Variants in CUBN observed in about 807,000 individuals in gnomAD.
CUBN encodes cubilin, also known as 460 kDa receptor.
In CUBN, 282 loss-of-function variants were observed where a neutral mutation model predicts 405.3. The observed-to-expected ratio is 0.70, with a 90% CI of 0.63 to 0.77. CUBN has a LOEUF of 0.77. Among genes scored for constraint, CUBN ranks in the 30% least tolerant of loss-of-function variants. CUBN has a pLI of 0.00. For synonymous variants in CUBN, 1,684 were observed against 1,617.0 expected (o/e 1.04, Z -0.99); for missense variants, 4,514 against 4,475.2 (o/e 1.01, Z -0.25).
intron 15 of CUBN, among the ~76,000 whole-genome samples, chr10:17,086,141 T>G (rs1836103998): frequency 6.6e-6 from 1 of 152,062 alleles, no homozygotes; most frequent in Middle Eastern, 3.2e-3. Context: ...ATTTGTTGTA[T>G]TTTTAGTAGA....
intron 38 of CUBN, 141 bp downstream of exon 38, chr10:16,938,822 G>C: frequency 1.4e-6 from 1 of 724,808 alleles, no homozygotes; most frequent in East Asian, 2.6e-5. Flanking sequence ...ATGTAATCTA[G>C]AGGCAGTCTG....
intron 20 of CUBN, 23 bp from the exon 21 acceptor site, chr10:17,068,303 T>C (rs768172373): frequency 5.0e-6 from 8 of 1,606,784 alleles, no homozygotes; most frequent in Non-Finnish European, 6.8e-6. Context: ...AAATTATAAT[T>C]ACTGCAGCAA....
At chr10:17,025,224 G>A (rs977799869) in intron 27 of CUBN, among the ~76,000 whole-genome samples, 17 of 152,242 alleles carry the variant, frequency 1.1e-4, no homozygotes, top group African/African-American at 2.4e-4. Flanking sequence ...AAAGATGATC[G>A]TTCAATTTTT....
Position 16,915,172 on chromosome 10 carries a change from C to T in CUBN, c.7211G>A (p.Gly2404Glu). 1 of 1,613,742 alleles carries T rather than the reference C, an allele frequency of 6.2e-7. No individual in the cohort carries two copies. Among genetic ancestry groups the T allele is most frequent in the South Asian group, 1.1e-5 (1 of 91,062 alleles). ...FVEIWDNHTSGNILGRYCGNT... is the reference protein window; with the variant it reads ...FVEIWDNHTSENILGRYCGNT... ...TCCACAGTATCTGCCCAAGATGTTT[C>T]CTGTGAGAGACAAATAATTAAATAT... is the stretch of plus-strand genomic sequence containing the variant. Residue 2404 changes from glycine to glutamate, a missense_variant and splice_region_variant, in exon 47 of 67, where the codon GGA becomes GAA. Coordinates refer to ENST00000377833, the MANE Select transcript of CUBN (RefSeq NM_001081.4).
intron 17 of CUBN, among the ~76,000 whole-genome samples, chr10:17,082,066 C>A (rs117971923): frequency 6.6e-6 from 1 of 152,152 alleles, no homozygotes; most frequent in East Asian, 1.9e-4. Context: ...ACTGTGACAG[C>A]CACATCGGCT....
chr10:17,065,487 T>A lies in CUBN; in HGVS notation c.3139+21A>T, dbSNP rs762968156. ...TTGCAATGGAGTCAATAAAACCGAG[T>A]ATGCAATGCTGTTTTGTTACCTGTT... On this transcript the variant is annotated intron_variant, in intron 22 of 66. Coordinates refer to ENST00000377833, the MANE Select transcript of CUBN (RefSeq NM_001081.4). 3 of 1,612,324 alleles carry A rather than the reference T, an allele frequency of 1.9e-6. No homozygotes were observed. The Admixed American group carries it at 5.0e-5, about 27-fold the overall frequency.
chr10:17,113,180 G>A (rs553512292), intron 8 of CUBN, among the ~76,000 whole-genome samples: 364 of 152,198 alleles, frequency 2.4e-3, no homozygotes, highest in African/African-American at 8.5e-3. Flanking sequence ...CAGGAGAATC[G>A]CTTGAACCCA....
In CUBN at chr10:16,920,037, C is replaced by G. The variant is rs1841989546; in HGVS notation, c.6747G>C (p.Trp2249Cys). Residue 2249 changes from tryptophan to cysteine, a missense_variant, in exon 44 of 67, where the codon TGG (tryptophan) becomes TGC (cysteine). This residue lies in a region of CUBN where 1,613 missense variants were observed against 1,542.8 expected (regional missense o/e 1.05). Transcript: ENST00000377833. ...HNYPPHADCI[W>C]ILAAPPETRI... is the part of the protein sequence containing the mutation. Reference sequence around the variant, plus strand: ...GTGTTTCCGGTGGAGCCGCTAAGATCCAAATGCAATCAGCGTGCGGGGGAT... The same window carrying G: ...GTGTTTCCGGTGGAGCCGCTAAGATGCAAATGCAATCAGCGTGCGGGGGAT... The G allele has an allele frequency of 1.2e-6, 2 of 1,613,762 alleles. No individual in the cohort carries two copies. The highest frequency in any genetic ancestry group is 1.7e-6 in the Non-Finnish European group (2 of 1,179,944).
At chr10:16,841,393 C>T (rs991502690) in intron 60 of CUBN, among the ~76,000 whole-genome samples, 1 of 152,142 alleles carries the variant, frequency 6.6e-6, no homozygotes, top group Non-Finnish European at 1.5e-5. Flanking sequence ...ACTGCAGCCT[C>T]CCATGAAGCC....
At chr10:16,835,762 C>T (rs72771370) in intron 63 of CUBN, among the ~76,000 whole-genome samples, 6,119 of 152,006 alleles carry the variant, frequency 0.04, 180 homozygotes, top group Non-Finnish European at 0.063. Flanking sequence ...TCTTTCAAGG[C>T]TTTTTGATTT....
intron 22 of CUBN, among the ~76,000 whole-genome samples, chr10:17,054,535 G>C (rs990102040): frequency 6.6e-6 from 1 of 151,724 alleles, no homozygotes; most frequent in African/African-American, 2.4e-5. Context: ...TCAAAAATTG[G>C]TTCTTTGAGA....
chr10:16,939,421 A>G (rs1281090643), intron 37 of CUBN, among the ~76,000 whole-genome samples: 9 of 152,178 alleles, frequency 5.9e-5, no homozygotes, highest in Non-Finnish European at 1.3e-4. Flanking sequence ...GGACATGGGA[A>G]GGTGGGGTGA....
intron 31 of CUBN, among the ~76,000 whole-genome samples, chr10:16,967,000 C>T (rs1843410901): frequency 6.6e-6 from 1 of 152,142 alleles, no homozygotes; most frequent in Non-Finnish European, 1.5e-5. Flanking sequence ...ATAGAGGAAA[C>T]ATTAAGTGAT....
At chr10:17,093,943 T>G (rs1225065775) in intron 14 of CUBN, among the ~76,000 whole-genome samples, 1 of 151,962 alleles carries the variant, frequency 6.6e-6, no homozygotes, top group Non-Finnish European at 1.5e-5. Context: ...CTTCAGCATA[T>G]GTGTAATTTG....
At position 16,840,990 on chromosome 10, in the gene CUBN, CTG is replaced by C. The variant is rs776866623; in HGVS notation, c.9719_9720del (p.Thr3240SerfsTer10). 1 of 1,614,134 alleles carries C rather than the reference CTG, an allele frequency of 6.2e-7. No individual in the cohort carries two copies. The highest frequency in any genetic ancestry group is 1.1e-5 in the South Asian group (1 of 91,084). On this transcript the variant is annotated frameshift_variant, in exon 61 of 67. Coordinates refer to ENST00000377833, the MANE Select transcript of CUBN (RefSeq NM_001081.4). LOFTEE classifies it high-confidence loss of function. ...ANLAGTFCGS[T>X]VPAPFISSGN... Reference sequence around the variant, plus strand: ...CCAGAAGAGATAAAAGGAGCAGGTACTGTGGAACCACAAAACGTTCCAGCCAA... The same window carrying C: ...CCAGAAGAGATAAAAGGAGCAGGTACTGGAACCACAAAACGTTCCAGCCAA...
At chr10:17,032,811 G>C (rs1305767048) in intron 27 of CUBN, among the ~76,000 whole-genome samples, 1 of 152,148 alleles carries the variant, frequency 6.6e-6, no homozygotes, top group Non-Finnish European at 1.5e-5. Flanking sequence ...TCTGGGCAAG[G>C]ATAATCTCTT....
At chr10:16,849,309 C>T (rs940866397) in intron 60 of CUBN, among the ~76,000 whole-genome samples, 1 of 152,168 alleles carries the variant, frequency 6.6e-6, no homozygotes, top group African/African-American at 2.4e-5. Flanking sequence ...GTGCCTTTTG[C>T]CTTCTCCAGT....
At chr10:16,931,258 C>T (rs564338155) in intron 40 of CUBN, among the ~76,000 whole-genome samples, 13 of 148,186 alleles carry the variant, frequency 8.8e-5, no homozygotes, top group South Asian at 4.3e-4. Context: ...AGTGAGACTC[C>T]GTCTCAAAAA....
At chr10:16,860,150 A>AATT (rs1839973849) in intron 59 of CUBN, among the ~76,000 whole-genome samples, 1 of 152,162 alleles carries the variant, frequency 6.6e-6, no homozygotes, top group Non-Finnish European at 1.5e-5. Flanking sequence ...AGTGGGACAA[A>AATT]CAAAACACAA....
Sources: allele counts gnomAD v4.1 joint callset (sites outside exome capture counted in the v4.1 genomes callset), GRCh38; gene constraint gnomAD v4.1.1; regional missense constraint gnomAD v4.1.1; transcripts MANE v1.5; gene names NCBI Gene and HGNC (gene_info 2026-07-23, HGNC 2026-07-21).